PLD2: variants seen among roughly 807,000 people sequenced by gnomAD.
PLD2 encodes the protein choline phosphatase 2.
PLD2 carries 101 observed loss-of-function variants against 119.8 expected under a neutral mutation model. The observed-to-expected ratio is 0.84, with a 90% CI of 0.72 to 0.99. PLD2 has a LOEUF of 0.99. Ranked by LOEUF, PLD2 falls within the 50% of genes least tolerant of loss-of-function variation. PLD2 has a pLI of 0.00. For synonymous variants in PLD2, 494 were observed against 482.8 expected (o/e 1.02, Z -0.30); for missense variants, 1,164 against 1,226.8 (o/e 0.95, Z 0.76).
chr17:4,818,057 A>G lies in PLD2; in HGVS notation c.1871A>G (p.Asn624Ser), dbSNP rs374865981. The stretch of plus-strand genomic sequence containing the variant: ...GGGACTCTGGAGAACTCCATCCTCA[A>G]TGCCTACCTGCACACCATCAGGGAG... ...SAGTLENSIL[N>S]AYLHTIRESQ... Residue 624 changes from asparagine to serine, a missense_variant, in exon 18 of 25, where the codon AAT becomes AGT. Coordinates refer to ENST00000263088, the MANE Select transcript of PLD2 (RefSeq NM_002663.5). 101 of 1,614,048 alleles carry G rather than the reference A, an allele frequency of 6.3e-5. No individual in the cohort carries two copies. Among genetic ancestry groups the G allele is most frequent in the Non-Finnish European group, 7.8e-5 (92 of 1,179,976 alleles).
rs2150666927 is a variant in PLD2, at chr17:4,808,111, C to T, written c.237C>T (p.Ser79=). 1 of 1,607,322 alleles carries T rather than the reference C, an allele frequency of 6.2e-7. No homozygotes were observed. The highest frequency in any genetic ancestry group is 1.1e-5 in the South Asian group (1 of 90,842). The part of the protein sequence containing the change: ...VVGTERYTSG[S]KVGTCTLYSV... ...GCACCGAAAGATATACCAGCGGATC[C>T]AAGGTGGCCAGACTGGCCCCAGGGA... The change falls in exon 3 of 25, where the codon TCC becomes TCT. Residue 79 remains serine (S), a synonymous_variant. Transcript: ENST00000263088. The surrounding 1 kb of genome is among the most constrained non-coding windows in gnomAD (Gnocchi z 4.1).
rs778869066 is a variant in PLD2 at position 4,807,857 on chromosome 17, A to T, written c.85A>T (p.Thr29Ser). ...QLQMESDEVDTLKEGEDPADR... is the reference protein window; with the variant it reads ...QLQMESDEVDSLKEGEDPADR... Reference sequence around the variant, plus strand: ...CCAGATGGAGTCCGATGAGGTGGACACCCTGAAGGAGGGAGAGGACCCAGG... The same window carrying T: ...CCAGATGGAGTCCGATGAGGTGGACTCCCTGAAGGAGGGAGAGGACCCAGG... Residue 29 changes from threonine (T) to serine (S), a missense_variant, in exon 2 of 25, where the codon ACC becomes TCC. Transcript: ENST00000263088. The surrounding 1 kb of genome is among the most constrained non-coding windows in gnomAD (Gnocchi z 5.4). The T allele has an allele frequency of 4.3e-5, 70 of 1,612,854 alleles. No individual in the cohort carries two copies. Among genetic ancestry groups the T allele is most frequent in the Non-Finnish European group, 5.9e-5 (70 of 1,179,326 alleles).
intron 23 of PLD2, 27 bp from the exon 24 acceptor site, chr17:4,821,766 C>G (rs2150682421): frequency 6.7e-7 from 1 of 1,488,524 alleles, no homozygotes; most frequent in South Asian, 1.1e-5. Context: ...CTTAATCTGG[C>G]CCTGCTGGGA....
rs755478411 is a variant in PLD2, at chr17:4,815,773, C to T, written c.1294C>T (p.His432Tyr). The change falls in exon 14 of 25, where the codon CAC becomes TAC. Residue 432 changes from histidine to tyrosine, a missense_variant. His to Tyr is a moderately conservative substitution (Grantham distance 83). Coordinates refer to ENST00000263088, the MANE Select transcript of PLD2 (RefSeq NM_002663.5). ...LLHPNIKVMR[H>Y]PDQVTLWAHH... ...TCCATGCCTGCTCCAGGTGATGCGT[C>T]ACCCAGACCAAGTGACGTTGTGGGC... 69 of 1,613,892 alleles carry T rather than the reference C, an allele frequency of 4.3e-5. No homozygotes were observed. Among genetic ancestry groups the T allele is most frequent in the Admixed American group, 1.2e-4 (7 of 59,978 alleles).
At chr17:4,818,411 G>A (rs776642496) in intron 19 of PLD2, 26 bp downstream of exon 19, 3 of 1,611,944 alleles carry the variant, frequency 1.9e-6, no homozygotes, top group South Asian at 1.1e-5. Context: ...AGGAAGGTGG[G>A]GACTGTGGGT....
chr17:4,823,205 T>C lies in PLD2; in HGVS notation c.*341T>C. 4.6e-6 allele frequency: 1 copy of C among 217,738 alleles called. No homozygotes were observed. The allele number at this position is 217,738 out of a possible 1,614,324, so 13.5% of individuals were successfully genotyped here. A position where few individuals can be genotyped will look rare whatever the true frequency, so the allele number is the denominator to read the frequency against. ...GAGAAGGGGGCTCTGCCCCAGGCCC[T>C]ACTACCCATTGTTCCCTTCCTCTTC... On this transcript the variant is annotated 3_prime_UTR_variant, in exon 25 of 25. Coordinates refer to ENST00000263088, the MANE Select transcript of PLD2 (RefSeq NM_002663.5).
Position 4,817,316 on chromosome 17 carries a change from A to T in PLD2, c.1815+57A>T, listed in dbSNP as rs1053653647. Reference sequence around the variant, plus strand: ...TTTGTCTCCTTCAGCCTAACACCCCAACCCACTCTCCCTGGTGTGAGAGCT... The same window carrying T: ...TTTGTCTCCTTCAGCCTAACACCCCTACCCACTCTCCCTGGTGTGAGAGCT... On this transcript the variant is annotated intron_variant, in intron 17 of 24. Transcript: ENST00000263088. 16 of 1,090,528 alleles carry T rather than the reference A, an allele frequency of 1.5e-5. No homozygotes were observed. In the African/African-American group the frequency reaches 2.5e-4, roughly 17 times the overall value. The allele number at this position is 1,090,528 out of a possible 1,614,324, so 67.6% of individuals were successfully genotyped here. A position where few individuals can be genotyped will look rare whatever the true frequency, so the allele number is the denominator to read the frequency against.
chr17:4,807,801 C>G lies in PLD2; in HGVS notation c.29C>G (p.Pro10Arg). 1 of 1,611,298 alleles carries G rather than the reference C, an allele frequency of 6.2e-7. No homozygotes were observed. The highest frequency in any genetic ancestry group is 2.2e-5 in the East Asian group (1 of 44,854). ...ACGGCGACCCCTGAGAGCCTCTTCC[C>G]CACTGGGGACGAACTGGACTCCAGC... MTATPESLF[P>R]TGDELDSSQL... Residue 10 changes from proline to arginine, a missense_variant, in exon 2 of 25, where the codon CCC becomes CGC. Transcript: ENST00000263088. This position sits in a 1 kb window ranked among gnomAD's most constrained non-coding sequence, Gnocchi z 5.4.
chr17:4,807,973 T>G lies in PLD2; in HGVS notation c.110-11T>G. 1.9e-6 allele frequency: 3 copies of G among 1,606,586 alleles called. No homozygotes were observed. The highest frequency in any genetic ancestry group is 2.6e-6 in the Non-Finnish European group (3 of 1,173,922). Reference sequence around the variant, plus strand: ...TTGTGGTCTACACTCCTCGACTTTCTTTCCTCCCAGCCGACCGGATGCACC... The same window carrying G: ...TTGTGGTCTACACTCCTCGACTTTCGTTCCTCCCAGCCGACCGGATGCACC... On this transcript the variant is annotated splice_polypyrimidine_tract_variant and intron_variant, in intron 2 of 24. Transcript: ENST00000263088. The surrounding 1 kb of genome is among the most constrained non-coding windows in gnomAD (Gnocchi z 5.4).
At position 4,808,977 on chromosome 17, in the gene PLD2, A is replaced by G; in HGVS notation, c.384-123A>G. 2.7e-6 allele frequency: 2 copies of G among 730,168 alleles called. No homozygotes were observed. Among genetic ancestry groups the G allele is most frequent in the Admixed American group, 2.2e-5 (1 of 44,750 alleles). 45.2% of individuals were successfully genotyped at this position (730,168 alleles called of 1,614,324 possible). Reference sequence around the variant, plus strand: ...CCCAAGTGCTGGGATTCCAGGCGTGAGCCACCACGCCTGGCCACCTCCAGG... The same window carrying G: ...CCCAAGTGCTGGGATTCCAGGCGTGGGCCACCACGCCTGGCCACCTCCAGG... On this transcript the variant is annotated intron_variant, in intron 4 of 24. Coordinates refer to ENST00000263088, the MANE Select transcript of PLD2 (RefSeq NM_002663.5). This position sits in a 1 kb window ranked among gnomAD's most constrained non-coding sequence, Gnocchi z 4.1.
chr17:4,820,811 C>G (rs1280767191), intron 23 of PLD2, among the ~76,000 whole-genome samples: 1 of 144,742 alleles, frequency 6.9e-6, no homozygotes, highest in Non-Finnish European at 1.5e-5. Context: ...CTCTTGACCT[C>G]GTGATCTGCC....
chr17:4,817,476 C>A, intron 17 of PLD2: 1 of 551,422 alleles, frequency 1.8e-6, no homozygotes, highest in African/African-American at 1.9e-5. Flanking sequence ...TCCTGGCTAA[C>A]ATGGTGAAAC....
At position 4,815,843 on chromosome 17, in the gene PLD2, T is replaced by TC; in HGVS notation, c.1364_1365insC (p.Leu458ThrfsTer10). ...GTGGTGGACCAAGTGGTAGCATTCCTGGGGGGACTGGACCTTGCCTATGGC... is the reference window on the plus strand; with the variant it reads ...GTGGTGGACCAAGTGGTAGCATTCCTCGGGGGGACTGGACCTTGCCTATGGC... On this transcript the variant is annotated frameshift_variant, in exon 14 of 25. Transcript: ENST00000263088. LOFTEE classifies it high-confidence loss of function. 1 of 1,614,072 alleles carries TC rather than the reference T, an allele frequency of 6.2e-7. No individual in the cohort carries two copies. The highest frequency in any genetic ancestry group is 2.2e-5 in the East Asian group (1 of 44,862).
intron 14 of PLD2, 40 bp downstream of exon 14, chr17:4,815,974 G>A (rs770655434): frequency 7.7e-6 from 11 of 1,427,510 alleles, no homozygotes; most frequent in South Asian, 2.3e-5. Flanking sequence ...CCCAAACTCA[G>A]ATAAGCTCAA....
In PLD2 at chr17:4,816,766, A is replaced by G. The variant is rs763993239; in HGVS notation, c.1582+20A>G. The G allele has an allele frequency of 7.4e-6, 12 of 1,614,168 alleles. No individual in the cohort carries two copies. Among genetic ancestry groups the G allele is most frequent in the Middle Eastern group, 1.6e-4 (1 of 6,062 alleles). Reference sequence around the variant, plus strand: ...TCGAAGGTGAAGCCTCCCACCCGCCAAAGCCCCAGAGAGCTGAGAGCAGGG... The same window carrying G: ...TCGAAGGTGAAGCCTCCCACCCGCCGAAGCCCCAGAGAGCTGAGAGCAGGG... On this transcript the variant is annotated intron_variant, in intron 15 of 24. Transcript: ENST00000263088.
rs1377774400 is a variant in PLD2 at position 4,818,382 on chromosome 17, A to G, written c.2006A>G (p.His669Arg). ...DEIVDRILKA[H>R]KQGWCYRVYV... ...ATTGTGGACAGAATCCTGAAGGCCC[A>G]CAAGTAAGGTGGACTGTCAGGAAGG... The change falls in exon 19 of 25, where the codon CAC becomes CGC. Residue 669 changes from histidine to arginine, a missense_variant. Coordinates refer to ENST00000263088, the MANE Select transcript of PLD2 (RefSeq NM_002663.5). 6.2e-7 allele frequency: 1 copy of G among 1,613,962 alleles called. No homozygotes were observed. The highest frequency in any genetic ancestry group is 2.2e-5 in the East Asian group (1 of 44,906).
In PLD2 at chr17:4,815,459, C is replaced by T. The variant is rs752088603; in HGVS notation, c.1174-17C>T. 9 of 1,487,912 alleles carry T rather than the reference C, an allele frequency of 6.0e-6. No individual in the cohort carries two copies. Among genetic ancestry groups the T allele is most frequent in the African/African-American group, 1.4e-5 (1 of 73,004 alleles). 92.2% of individuals were successfully genotyped at this position (1,487,912 alleles called of 1,614,324 possible). On this transcript the variant is annotated splice_polypyrimidine_tract_variant and intron_variant, in intron 12 of 24. Coordinates refer to ENST00000263088, the MANE Select transcript of PLD2 (RefSeq NM_002663.5). ...CTGGGAGAGGCACTAGGATCTGATTCCCCAACTCACCACCAGGAGGAGGGT... is the reference window on the plus strand; with the variant it reads ...CTGGGAGAGGCACTAGGATCTGATTTCCCAACTCACCACCAGGAGGAGGGT...
chr17:4,816,790 G>A lies in PLD2; in HGVS notation c.1582+44G>A, dbSNP rs749904600. Reference sequence around the variant, plus strand: ...CAAAGCCCCAGAGAGCTGAGAGCAGGGTCAGAAGCTGGGGCTGGTACTGAG... The same window carrying A: ...CAAAGCCCCAGAGAGCTGAGAGCAGAGTCAGAAGCTGGGGCTGGTACTGAG... On this transcript the variant is annotated intron_variant, in intron 15 of 24. Coordinates refer to ENST00000263088, the MANE Select transcript of PLD2 (RefSeq NM_002663.5). 3 of 1,613,936 alleles carry A rather than the reference G, an allele frequency of 1.9e-6. No homozygotes were observed. The Admixed American group carries it at 5.0e-5, about 27-fold the overall frequency.
chr17:4,820,846 G>T (rs1187998915), intron 23 of PLD2, among the ~76,000 whole-genome samples: 1 of 150,162 alleles, frequency 6.7e-6, no homozygotes, highest in Non-Finnish European at 1.5e-5. Context: ...AAAGTGCTGG[G>T]ATTACAGGCA....
Sources: gnomAD v4.1 joint callset for allele counts (sites outside exome capture counted in the v4.1 genomes callset) on GRCh38, gnomAD v4.1.1 for gene constraint, Gnocchi (gnomAD v3.1) non-coding constraint, MANE v1.5 for transcripts, NCBI Gene and HGNC (gene_info 2026-07-23, HGNC 2026-07-21) for gene names.